Variants in CACNG2 observed in about 807,000 individuals in gnomAD.
CACNG2 encodes the protein voltage-dependent calcium channel gamma-2 subunit.
In CACNG2, 3 loss-of-function variants were observed where a neutral mutation model predicts 25.9. That is an observed-to-expected ratio of 0.12 (90% CI 0.05 to 0.30). The LOEUF (loss-of-function observed/expected upper bound fraction) is 0.30, where lower values mean the gene tolerates loss of function less well. CACNG2 is among the 10% of genes least tolerant of loss of function. CACNG2 has a pLI of 1.00. For synonymous variants in CACNG2, 167 were observed against 173.3 expected (o/e 0.96, Z 0.29); for missense variants, 341 against 432.5 (o/e 0.79, Z 1.88).
chr22:36,565,949 C>T (rs949819447), intron 3 of CACNG2, among the ~76,000 whole-genome samples: 1 of 152,240 alleles, frequency 6.6e-6, no homozygotes, highest in Non-Finnish European at 1.5e-5. Context: ...GGAGAGTCCA[C>T]CCTTGGTTTC....
chr22:36,645,606 A>C (rs895456152), intron 1 of CACNG2, among the ~76,000 whole-genome samples: 1 of 151,588 alleles, frequency 6.6e-6, no homozygotes. Context: ...TGTGCTTGTA[A>C]TTGTTTTCAA....
At chr22:36,692,645 G>A (rs1334928975) in intron 1 of CACNG2, among the ~76,000 whole-genome samples, 1 of 152,148 alleles carries the variant, frequency 6.6e-6, no homozygotes, top group African/African-American at 2.4e-5. Context: ...TTCACTAGGT[G>A]GGCAACTCCC....
At chr22:36,666,026 T>C (rs1278186957) in intron 1 of CACNG2, among the ~76,000 whole-genome samples, 2 of 152,220 alleles carry the variant, frequency 1.3e-5, no homozygotes, top group Non-Finnish European at 2.9e-5. Context: ...GGTGGAATAT[T>C]ATTCAGCCTT....
intron 1 of CACNG2, among the ~76,000 whole-genome samples, chr22:36,621,674 T>A (rs1279453547): frequency 4.6e-5 from 7 of 152,064 alleles, no homozygotes; most frequent in African/African-American, 1.7e-4. Context: ...CCCTCTTGCC[T>A]TTCTGTTGCA....
At chr22:36,609,571 C>T (rs1302752428) in intron 1 of CACNG2, among the ~76,000 whole-genome samples, 3 of 136,048 alleles carry the variant, frequency 2.2e-5, no homozygotes, top group South Asian at 2.5e-4. Context: ...GGAATCAGCC[C>T]CCCAGAGCGT....
chr22:36,563,616 G>C lies in CACNG2; in HGVS notation c.*735C>G, dbSNP rs529932458. Among the ~76,000 whole-genome samples, 6 of 152,194 alleles carry C rather than the reference G, an allele frequency of 3.9e-5. No homozygotes were observed. The highest frequency in any genetic ancestry group is 1.4e-4 in the African/African-American group (6 of 41,542). On this transcript the variant is annotated 3_prime_UTR_variant, in exon 4 of 4. Coordinates refer to ENST00000300105, the MANE Select transcript of CACNG2 (RefSeq NM_006078.5). Reference sequence around the variant, plus strand: ...GCACCCTAACGGAGAGGAGGGACAAGGGCTCGGTCACCTGGAGGCCTACGA... The same window carrying C: ...GCACCCTAACGGAGAGGAGGGACAACGGCTCGGTCACCTGGAGGCCTACGA...
intron 1 of CACNG2, among the ~76,000 whole-genome samples, chr22:36,626,078 C>T (rs1348645493): frequency 2.6e-5 from 4 of 152,190 alleles, no homozygotes; most frequent in Non-Finnish European, 5.9e-5. Context: ...CGCCACCATG[C>T]CCGGCTAACT....
At chr22:36,658,921 G>A (rs148963205) in intron 1 of CACNG2, among the ~76,000 whole-genome samples, 15 of 152,276 alleles carry the variant, frequency 9.9e-5, no homozygotes, top group South Asian at 2.1e-4. Context: ...CAGCAATGAC[G>A]CTGGGAGGGA....
At chr22:36,645,871 A>G (rs1219005688) in intron 1 of CACNG2, among the ~76,000 whole-genome samples, 3 of 152,234 alleles carry the variant, frequency 2.0e-5, no homozygotes, top group Admixed American at 2.0e-4. Flanking sequence ...ATGTGTATCC[A>G]AACTTTAAAA....
intron 1 of CACNG2, among the ~76,000 whole-genome samples, chr22:36,634,756 A>T (rs1373795396): frequency 1.3e-5 from 2 of 152,204 alleles, no homozygotes; most frequent in Non-Finnish European, 2.9e-5. Flanking sequence ...GGACTCAAGA[A>T]GTATAAAACA....
chr22:36,596,966 GT>G (rs1935687515), intron 1 of CACNG2, among the ~76,000 whole-genome samples: 1 of 151,972 alleles, frequency 6.6e-6, no homozygotes, highest in South Asian at 2.1e-4. Flanking sequence ...TGCCTAGGCT[GT>G]TCTTGAACTC....
intron 1 of CACNG2, among the ~76,000 whole-genome samples, chr22:36,630,685 C>T (rs1182841512): frequency 2.0e-5 from 3 of 152,142 alleles, no homozygotes; most frequent in Non-Finnish European, 1.5e-5. Flanking sequence ...TCTTTTGAGA[C>T]ATGAGCTTCC....
intron 1 of CACNG2, among the ~76,000 whole-genome samples, chr22:36,701,108 C>T (rs1469463505): frequency 1.3e-5 from 2 of 152,176 alleles, no homozygotes; most frequent in Non-Finnish European, 2.9e-5. Flanking sequence ...CATCCCATGT[C>T]GAGCTTAACA....
In CACNG2 at chr22:36,564,772, G is replaced by T. The variant is rs1291968261; in HGVS notation, c.551C>A (p.Ala184Asp). The T allele has an allele frequency of 3.7e-6, 6 of 1,614,240 alleles. No individual in the cohort carries two copies. Among genetic ancestry groups the T allele is most frequent in the South Asian group, 2.2e-5 (2 of 91,088 alleles). The stretch of plus-strand genomic sequence containing the variant: ...CATCTCGGCGATGATGAAGGACAGG[G>T]CCCCGAAGTAGAAGGACCAGCCGTA... Reference protein sequence around the residue: ...YSYGWSFYFGALSFIIAEMVG... With the variant: ...YSYGWSFYFGDLSFIIAEMVG... Residue 184 changes from alanine (A) to aspartate (D), a missense_variant, in exon 4 of 4, where the codon GCC becomes GAC. Ala to Asp is a moderately radical substitution (Grantham distance 126). Transcript: ENST00000300105. This position sits in a 1 kb window ranked among gnomAD's most constrained non-coding sequence, Gnocchi z 6.7.
intron 1 of CACNG2, among the ~76,000 whole-genome samples, chr22:36,647,620 A>G (rs6000364): frequency 0.14 from 20,788 of 152,048 alleles, 3,817 homozygotes; most frequent in African/African-American, 0.42. Flanking sequence ...AAATCTGATT[A>G]CATCAATTCT....
At chr22:36,588,096 G>A (rs1935533228) in intron 1 of CACNG2, among the ~76,000 whole-genome samples, 1 of 152,174 alleles carries the variant, frequency 6.6e-6, no homozygotes, top group Non-Finnish European at 1.5e-5. Context: ...TAAATATGGG[G>A]GTGGGGAGGA....
chr22:36,664,447 T>A (rs1936845704), intron 1 of CACNG2, among the ~76,000 whole-genome samples: 1 of 152,216 alleles, frequency 6.6e-6, no homozygotes, highest in Admixed American at 6.5e-5. Context: ...AGAGCGTCCC[T>A]GGGTGCCAGG....
At chr22:36,652,591 G>C (rs1306925252) in intron 1 of CACNG2, among the ~76,000 whole-genome samples, 1 of 152,042 alleles carries the variant, frequency 6.6e-6, no homozygotes, top group East Asian at 1.9e-4. Flanking sequence ...CCATATACCT[G>C]TTTTCTGTGG....
chr22:36,635,271 G>A (rs1256840378), intron 1 of CACNG2, among the ~76,000 whole-genome samples: 3 of 143,012 alleles, frequency 2.1e-5, no homozygotes, highest in Admixed American at 7.0e-5. Context: ...GCAACAGAGC[G>A]AGACCCCGTC....
Sources: gnomAD v4.1 joint callset for allele counts (sites outside exome capture counted in the v4.1 genomes callset) on GRCh38, gnomAD v4.1.1 for gene constraint, Gnocchi (gnomAD v3.1) non-coding constraint, MANE v1.5 for transcripts, NCBI Gene and HGNC (gene_info 2026-07-23, HGNC 2026-07-21) for gene names.